MMD2: variants seen among roughly 807,000 people sequenced by gnomAD.
The protein encoded by MMD2 is monocyte to macrophage differentiation factor 2.
In MMD2, 30 loss-of-function variants were observed where a neutral mutation model predicts 33.5. The observed-to-expected ratio is 0.90, with a 90% confidence interval of 0.67 to 1.22. The LOEUF (loss-of-function observed/expected upper bound fraction) is 1.22, where lower values mean the gene tolerates loss of function less well. Ranked by LOEUF, MMD2 falls within the 50% of genes most tolerant of loss-of-function variation. The pLI is 0.00. For synonymous variants in MMD2, 129 were observed against 123.0 expected (o/e 1.05, Z -0.32); for missense variants, 364 against 325.4 (o/e 1.12, Z -0.91).
chr7:4,934,662 T>A (rs1785688990), intron 1 of MMD2, among the ~76,000 whole-genome samples: 1 of 152,154 alleles, frequency 6.6e-6, no homozygotes, highest in Non-Finnish European at 1.5e-5. Flanking sequence ...ACTCCCAAAC[T>A]GAGCCAGGAC....
rs1786083690 is a variant in MMD2 at position 4,946,222 on chromosome 7, C to G, written c.47+12749G>C. 6.6e-6 allele frequency among the ~76,000 whole-genome samples: 1 copy of G among 151,952 alleles called. No homozygotes were observed. ...ACACACACGCATGCACACACATGCA[C>G]ACATACACGCACACACACGCACACC... On this transcript the variant is annotated intron_variant, in intron 1 of 6. Coordinates refer to ENST00000401401, the MANE Select transcript of MMD2 (RefSeq NM_198403.4). This position sits in a 1 kb window ranked among gnomAD's most constrained non-coding sequence, Gnocchi z 5.0.
chr7:4,916,163 C>T (rs745761080), intron 3 of MMD2, 84 bp from the exon 4 acceptor site: 72 of 1,315,900 alleles, frequency 5.5e-5, no homozygotes, highest in Admixed American at 5.1e-4. Flanking sequence ...CTGGACTGAT[C>T]GTGCCTGCCT....
intron 1 of MMD2, among the ~76,000 whole-genome samples, chr7:4,952,135 G>A (rs914024822): frequency 6.6e-6 from 1 of 152,212 alleles, no homozygotes; most frequent in Non-Finnish European, 1.5e-5. Flanking sequence ...CTGGCCCCTT[G>A]GGGAACACAA....
At position 4,931,952 on chromosome 7, in the gene MMD2, C is replaced by T. The variant is rs142772069; in HGVS notation, c.48-6420G>A. 7.2e-4 allele frequency among the ~76,000 whole-genome samples: 109 copies of T among 152,222 alleles called. 2 individuals carry two copies. In the East Asian group the frequency reaches 0.016, roughly 23 times the overall value. ...CTTCCCACCAACTGGGCAGGGAGTC[C>T]GGAGACCAACTATGAGGGTGTGGTT... On this transcript the variant is annotated intron_variant, in intron 1 of 6. Coordinates refer to ENST00000401401, the MANE Select transcript of MMD2 (RefSeq NM_198403.4).
At chr7:4,919,765 G>A (rs952492447) in intron 3 of MMD2, among the ~76,000 whole-genome samples, 2 of 151,976 alleles carry the variant, frequency 1.3e-5, no homozygotes, top group Non-Finnish European at 2.9e-5. Flanking sequence ...ACGTGGTGGT[G>A]CATACCTGTA....
In MMD2 at chr7:4,920,133, C is replaced by A. The variant is rs1478894867; in HGVS notation, c.290+38G>T. 7 of 1,546,212 alleles carry A rather than the reference C, an allele frequency of 4.5e-6. No individual in the cohort carries two copies. In the Admixed American group the frequency reaches 1.2e-4, roughly 26 times the overall value. On this transcript the variant is annotated intron_variant, in intron 3 of 6. Coordinates refer to ENST00000401401, the MANE Select transcript of MMD2 (RefSeq NM_198403.4). ...CTGCCATGGGTCCCCCTGCCCCGAC[C>A]CCCTACCCGGCATGGGTCCCCTCTG... is the stretch of plus-strand genomic sequence containing the variant.
At position 4,940,522 on chromosome 7, in the gene MMD2, C is replaced by T. The variant is rs1389775997; in HGVS notation, c.48-14990G>A. On this transcript the variant is annotated intron_variant, in intron 1 of 6. Transcript: ENST00000401401. This position sits in a 1 kb window ranked among gnomAD's most constrained non-coding sequence, Gnocchi z 5.0. ...TCTGTCCCACAGAGGCAAGGGACCACGCAGGGCCAAGTTGGCCCCGGCCGT... is the reference window on the plus strand; with the variant it reads ...TCTGTCCCACAGAGGCAAGGGACCATGCAGGGCCAAGTTGGCCCCGGCCGT... Among the ~76,000 whole-genome samples the T allele has an allele frequency of 1.3e-5, 2 of 152,218 alleles. No individual in the cohort carries two copies. Among genetic ancestry groups the T allele is most frequent in the African/African-American group, 2.4e-5 (1 of 41,462 alleles).
intron 6 of MMD2, 87 bp downstream of exon 6, chr7:4,909,794 G>A: frequency 3.9e-6 from 6 of 1,529,934 alleles, no homozygotes; most frequent in Non-Finnish European, 5.3e-6. Flanking sequence ...AAAGGAGAGG[G>A]TTTGTGACAA....
intron 1 of MMD2, among the ~76,000 whole-genome samples, chr7:4,955,238 A>G (rs867021619): frequency 1.3e-5 from 2 of 152,104 alleles, no homozygotes; most frequent in African/African-American, 2.4e-5. Flanking sequence ...ATGCACCAAC[A>G]CCATACTGTC....
chr7:4,915,762 A>C (rs1037020559), intron 4 of MMD2, among the ~76,000 whole-genome samples: 8 of 151,880 alleles, frequency 5.3e-5, no homozygotes, highest in East Asian at 3.9e-4. Context: ...AAAAAAAAAA[A>C]CAATGTATAT....
the MMD2 span, among the ~76,000 whole-genome samples, chr7:4,897,118 C>T: frequency 3.3e-5 from 5 of 151,764 alleles, no homozygotes; most frequent in Non-Finnish European, 7.4e-5. Flanking sequence ...CTTAGCACCC[C>T]CAAAGTGCTG....
downstream of MMD2, among the ~76,000 whole-genome samples, chr7:4,902,872 A>T (rs1287041824): frequency 6.6e-6 from 1 of 152,066 alleles, no homozygotes; most frequent in Non-Finnish European, 1.5e-5. Context: ...CCCACCTCCC[A>T]CTTCCTGAGC....
chr7:4,933,940 C>CT (rs71032998), intron 1 of MMD2, among the ~76,000 whole-genome samples: 11,272 of 118,822 alleles, frequency 0.095, 661 homozygotes, highest in East Asian at 0.18. Flanking sequence ...GCCACAATGC[C>CT]TTTTTTTTTT....
At chr7:4,923,647 A>T (rs189242938) in intron 2 of MMD2, among the ~76,000 whole-genome samples, 277 of 152,134 alleles carry the variant, frequency 1.8e-3, no homozygotes, top group Non-Finnish European at 3.6e-3. Context: ...ACTTGTGTCG[A>T]TGAGTTAGCT....
intron 6 of MMD2, among the ~76,000 whole-genome samples, chr7:4,908,680 C>CTT (rs1263349311): frequency 1.3e-5 from 2 of 151,408 alleles, no homozygotes; most frequent in Admixed American, 6.6e-5. Context: ...GGGCGGATCA[C>CTT]GAGGTCAGGA....
At chr7:4,895,082 C>T in the MMD2 span, among the ~76,000 whole-genome samples, 2 of 146,310 alleles carry the variant, frequency 1.4e-5, no homozygotes, top group East Asian at 2.0e-4. Flanking sequence ...CAGCTGAAGT[C>T]TTTTTTTTTT....
At chr7:4,910,997 G>A (rs547739892) in intron 5 of MMD2, 148 bp downstream of exon 5, 24 of 645,834 alleles carry the variant, frequency 3.7e-5, no homozygotes, top group South Asian at 1.9e-4. Context: ...AGACCTGGTG[G>A]CCACCCATGA....
At chr7:4,892,631 A>G in the MMD2 span, among the ~76,000 whole-genome samples, 1 of 150,598 alleles carries the variant, frequency 6.6e-6, no homozygotes, top group African/African-American at 2.5e-5. Flanking sequence ...TGAAAAAATT[A>G]ATTAATTAAA....
chr7:4,934,432 A>G (rs1785681805), intron 1 of MMD2, among the ~76,000 whole-genome samples: 1 of 152,202 alleles, frequency 6.6e-6, no homozygotes, highest in Non-Finnish European at 1.5e-5. Context: ...TGAAATGCGT[A>G]GATAAAATTG....
Sources: allele counts gnomAD v4.1 joint callset (sites outside exome capture counted in the v4.1 genomes callset), GRCh38; gene constraint gnomAD v4.1.1; non-coding constraint Gnocchi (gnomAD v3.1); transcripts MANE v1.5; gene names NCBI Gene and HGNC (gene_info 2026-07-23, HGNC 2026-07-21).